SLC8B1: variants seen among roughly 807,000 people sequenced by gnomAD.
The protein encoded by SLC8B1 is solute carrier family 8 member B1, also known as mitochondrial sodium/calcium exchanger protein.
Under a neutral mutation model 63.4 loss-of-function variants are expected in SLC8B1, and 52 were observed. The observed-to-expected ratio is 0.82, with a 90% CI of 0.66 to 1.03. The LOEUF (loss-of-function observed/expected upper bound fraction) is 1.03, where lower values mean the gene tolerates loss of function less well. SLC8B1 is among the 50% of genes least tolerant of loss of function. SLC8B1 has a pLI of 0.00. For synonymous variants in SLC8B1, 336 were observed against 323.9 expected (o/e 1.04, Z -0.40); for missense variants, 657 against 741.7 (o/e 0.89, Z 1.33).
chr12:113,316,862 G>A, intron 9 of SLC8B1, 80 bp downstream of exon 9: 3 of 1,533,254 alleles, frequency 2.0e-6, no homozygotes, highest in Non-Finnish European at 2.7e-6. Flanking sequence ...CTGGAGCCCA[G>A]GTCTTGGAGG....
intron 11 of SLC8B1, among the ~76,000 whole-genome samples, chr12:113,310,716 T>C (rs973582503): frequency 1.3e-5 from 2 of 152,178 alleles, no homozygotes; most frequent in Admixed American, 6.5e-5. Context: ...TACCAGTAGA[T>C]GGCATCGCTC....
chr12:113,316,494 AG>A, intron 10 of SLC8B1, 31 bp downstream of exon 10: 2 of 1,607,496 alleles, frequency 1.2e-6, no homozygotes, highest in Middle Eastern at 1.7e-4. Context: ...TGCTGTCAGA[AG>A]GCTGTGAGCC....
At chr12:113,307,659 C>A in intron 13 of SLC8B1, 32 bp downstream of exon 13, 1 of 1,603,150 alleles carries the variant, frequency 6.2e-7, no homozygotes, top group Non-Finnish European at 8.5e-7. Flanking sequence ...GCCGCACTCA[C>A]CCCCACTCAA....
intron 8 of SLC8B1, among the ~76,000 whole-genome samples, chr12:113,318,125 C>T (rs1956863172): frequency 6.6e-6 from 1 of 151,646 alleles, no homozygotes; most frequent in Admixed American, 6.6e-5. Flanking sequence ...TGTTGTGTAT[C>T]TGTGTATGTT....
intron 11 of SLC8B1, among the ~76,000 whole-genome samples, chr12:113,311,435 G>A (rs1277352833): frequency 1.3e-5 from 2 of 151,698 alleles, no homozygotes; most frequent in African/African-American, 4.8e-5. Flanking sequence ...AGGTGACAGA[G>A]CAAGACTCCA....
At chr12:113,311,657 A>C (rs1327250702) in intron 11 of SLC8B1, among the ~76,000 whole-genome samples, 3 of 151,820 alleles carry the variant, frequency 2.0e-5, no homozygotes, top group Non-Finnish European at 4.4e-5. Flanking sequence ...GAATACACAA[A>C]ATTGTGTACA....
chr12:113,306,404 C>A (rs190762915), intron 14 of SLC8B1, 91 bp downstream of exon 14: 6 of 1,159,566 alleles, frequency 5.2e-6, no homozygotes, highest in Non-Finnish European at 6.0e-6. Context: ...GGTGTTACAC[C>A]GAGAACCAAT....
intron 15 of SLC8B1, among the ~76,000 whole-genome samples, chr12:113,303,063 C>CGT (rs1956615232): frequency 6.4e-5 from 9 of 140,950 alleles, no homozygotes; most frequent in African/African-American, 2.6e-4. Flanking sequence ...GACACACACA[C>CGT]ACACACGTAC....
At position 113,318,838 on chromosome 12, in the gene SLC8B1, G is replaced by A. The variant is rs1339757287; in HGVS notation, c.802+126C>T. The A allele has an allele frequency of 7.2e-6, 5 of 689,960 alleles. No homozygotes were observed. In the Admixed American group the frequency reaches 7.3e-5, roughly 10 times the overall value. The allele number at this position is 689,960 out of a possible 1,614,324, so 42.7% of individuals were successfully genotyped here. A position where few individuals can be genotyped will look rare whatever the true frequency, so the allele number is the denominator to read the frequency against. On this transcript the variant is annotated intron_variant, in intron 8 of 15. Transcript: ENST00000680972. ...AGGCGGGACCTCAGCAGAATGAGTA[G>A]AAAGAGCATGAAGAGGAGATGAGCT...
rs780688260 is a variant in SLC8B1, at chr12:113,315,404, G to A, written c.1066C>T (p.Arg356Trp). The stretch of plus-strand genomic sequence containing the variant: ...ACCAGATGCAGACAGTTGAGGGGCC[G>A]TTTCCAGTTCTGGTCATCCTTGTCC... The part of the protein sequence containing the change: ...DPDKDDQNWK[R>W]PLNCLHLVIS... The change falls in exon 11 of 16, where the codon CGG (arginine) becomes TGG (tryptophan). Residue 356 changes from arginine to tryptophan, a missense_variant. Coordinates refer to ENST00000680972, the MANE Select transcript of SLC8B1 (RefSeq NM_001358345.2). 17 of 1,585,836 alleles carry A rather than the reference G, an allele frequency of 1.1e-5. No individual in the cohort carries two copies. The Middle Eastern group carries it at 6.7e-4, about 62-fold the overall frequency.
chr12:113,329,291 C>T (rs1458409345), intron 2 of SLC8B1, among the ~76,000 whole-genome samples: 1 of 152,172 alleles, frequency 6.6e-6, no homozygotes, highest in South Asian at 2.1e-4. Flanking sequence ...AGAAGTGGCT[C>T]CAAACTCAGC....
intron 14 of SLC8B1, among the ~76,000 whole-genome samples, chr12:113,304,954 C>A (rs917401735): frequency 6.6e-6 from 1 of 152,156 alleles, no homozygotes; most frequent in African/African-American, 2.4e-5. Context: ...ATGCCCAACT[C>A]CCCCAAACAC....
intron 2 of SLC8B1, among the ~76,000 whole-genome samples, chr12:113,322,807 G>A (rs772709331): frequency 2.0e-5 from 3 of 152,016 alleles, no homozygotes; most frequent in Non-Finnish European, 4.4e-5. Context: ...AAAACTAGCC[G>A]GGCTTGGTGG....
In SLC8B1 at chr12:113,303,149, G is replaced by A. The variant is rs557749923; in HGVS notation, c.1557+1172C>T. ...CACACACACACACACACACGCGCGC[G>A]CACAGGAGAAAAGAGGAAATAGGTC... On this transcript the variant is annotated intron_variant, in intron 15 of 15. Transcript: ENST00000680972. 6.1e-3 allele frequency among the ~76,000 whole-genome samples: 788 copies of A among 129,038 alleles called. 9 individuals carry two copies. Among genetic ancestry groups the A allele is most frequent in the African/African-American group, 0.025 (741 of 29,864 alleles). 84.7% of individuals were successfully genotyped at this position (129,038 alleles called of 152,430 possible).
intron 2 of SLC8B1, among the ~76,000 whole-genome samples, chr12:113,325,333 A>C (rs551478409): frequency 1.3e-5 from 2 of 152,314 alleles, no homozygotes; most frequent in African/African-American, 4.8e-5. Context: ...GGCTCACTTC[A>C]GCCTCGAACT....
chr12:113,330,393 G>A (rs1476621998), intron 2 of SLC8B1, among the ~76,000 whole-genome samples: 1 of 152,218 alleles, frequency 6.6e-6, no homozygotes, highest in Admixed American at 6.5e-5. Context: ...TAGAGGGGAA[G>A]GGGATGGATT....
intron 7 of SLC8B1, among the ~76,000 whole-genome samples, chr12:113,319,821 G>C (rs146384108): frequency 1.3e-5 from 2 of 152,206 alleles, no homozygotes; most frequent in East Asian, 3.9e-4. Flanking sequence ...ACAGAGTCTT[G>C]CTCTGTTGCC....
intron 14 of SLC8B1, among the ~76,000 whole-genome samples, chr12:113,304,768 AT>A (rs1956649372): frequency 6.6e-6 from 1 of 152,110 alleles, no homozygotes; most frequent in Non-Finnish European, 1.5e-5. Context: ...CACCTGGCTA[AT>A]TTTTTAATTT....
intron 2 of SLC8B1, among the ~76,000 whole-genome samples, chr12:113,323,607 G>GC (rs1256399474): frequency 6.6e-6 from 1 of 152,102 alleles, no homozygotes; most frequent in African/African-American, 2.4e-5. Flanking sequence ...TACTCAGGAG[G>GC]CTGAAGCAGG....
Sources: gnomAD v4.1 joint callset for allele counts (sites outside exome capture counted in the v4.1 genomes callset) on GRCh38, gnomAD v4.1.1 for gene constraint, MANE v1.5 for transcripts, NCBI Gene and HGNC (gene_info 2026-07-23, HGNC 2026-07-21) for gene names.